FCER1A: variants seen among roughly 807,000 people sequenced by gnomAD.
FCER1A encodes the protein Fc epsilon receptor Ia, also known as high affinity immunoglobulin epsilon receptor subunit alpha.
FCER1A carries 24 observed loss-of-function variants against 23.6 expected under a neutral mutation model. The observed-to-expected ratio is 1.02, with a 90% CI of 0.74 to 1.43. The LOEUF is 1.43. Among genes scored for constraint, FCER1A ranks in the 40% most tolerant of loss-of-function variants. The probability of loss-of-function intolerance (pLI) is 0.00; values close to 1 mark genes in which losing one functional copy is unlikely to be tolerated. For synonymous variants in FCER1A, 121 were observed against 108.8 expected (o/e 1.11, Z -0.70); for missense variants, 318 against 294.5 (o/e 1.08, Z -0.58).
intron 1 of FCER1A, among the ~76,000 whole-genome samples, chr1:159,295,201 A>C (rs547298642): frequency 6.6e-6 from 1 of 152,272 alleles, no homozygotes; most frequent in East Asian, 1.9e-4. Flanking sequence ...TGACTGTGCT[A>C]TTACCTATGA....
chr1:159,289,342 T>G (rs953506784), upstream of FCER1A, among the ~76,000 whole-genome samples: 1 of 152,198 alleles, frequency 6.6e-6, no homozygotes, highest in African/African-American at 2.4e-5. Context: ...TTCAAGTAAC[T>G]GAACTGTTAT....
intron 3 of FCER1A, 68 bp downstream of exon 3, chr1:159,304,250 A>C (rs754648753): frequency 3.3e-6 from 5 of 1,500,168 alleles, no homozygotes; most frequent in Non-Finnish European, 4.6e-6. Context: ...GATGGGAAAA[A>C]ACAGGTTATT....
chr1:159,306,284 G>A, intron 4 of FCER1A, 39 bp downstream of exon 4: 17 of 1,596,980 alleles, frequency 1.1e-5, no homozygotes, highest in Non-Finnish European at 1.5e-5. Context: ...CCATAGCAGG[G>A]GAAGGAAGAG....
chr1:159,294,832 T>C (rs1055229614), intron 1 of FCER1A, among the ~76,000 whole-genome samples: 3 of 152,164 alleles, frequency 2.0e-5, no homozygotes, highest in Non-Finnish European at 4.4e-5. Context: ...TAATTCAAGC[T>C]CAGAGATTGC....
chr1:159,299,817 A>C (rs1652384666), upstream of FCER1A, among the ~76,000 whole-genome samples: 2 of 152,086 alleles, frequency 1.3e-5, no homozygotes, highest in East Asian at 3.9e-4. Context: ...ACTGTGTATC[A>C]GCCCGTTCTT....
chr1:159,307,814 A>G lies in FCER1A; in HGVS notation c.656A>G (p.Asp219Gly), dbSNP rs747241420. 1.9e-6 allele frequency: 3 copies of G among 1,613,306 alleles called. No homozygotes were observed. In the South Asian group the frequency reaches 3.3e-5, roughly 18 times the overall value. The change falls in exon 5 of 5, where the codon GAC becomes GGC. Residue 219 changes from aspartate (D) to glycine (G), a missense_variant. By Grantham distance (94) the Asp-to-Gly change is moderately conservative. Coordinates refer to ENST00000693622, the MANE Select transcript of FCER1A (RefSeq NM_001387280.1). Reference protein sequence around the residue: ...PLLVVILFAVDTGLFISTQQQ... With the variant: ...PLLVVILFAVGTGLFISTQQQ... ...TTGGTGGTGATTCTGTTTGCTGTGG[A>G]CACAGGATTATTTATCTCAACTCAG...
chr1:159,296,751 C>T (rs1019232744), intron 1 of FCER1A, among the ~76,000 whole-genome samples: 4 of 152,156 alleles, frequency 2.6e-5, no homozygotes, highest in Non-Finnish European at 2.9e-5. Flanking sequence ...CTCCTGTATA[C>T]TCATCATTGA....
Position 159,304,183 on chromosome 1 carries a change from G to A in FCER1A, c.331+1G>A, listed in dbSNP as rs779721626. The A allele has an allele frequency of 6.8e-6, 11 of 1,613,048 alleles. No homozygotes were observed. Among genetic ancestry groups the A allele is most frequent in the Non-Finnish European group, 9.3e-6 (11 of 1,179,254 alleles). ...CCTGTGTACCTGGAAGTCTTCAGTG[G>A]TAAGTTCCAGGGATATGGAAATACA... On this transcript the variant is annotated splice_donor_variant, in intron 3 of 4. Transcript: ENST00000693622. LOFTEE classifies it high-confidence loss of function.
chr1:159,298,642 T>C (rs557399322), upstream of FCER1A, among the ~76,000 whole-genome samples: 1 of 152,286 alleles, frequency 6.6e-6, no homozygotes, highest in South Asian at 2.1e-4. Flanking sequence ...CAAAAGAAAG[T>C]AAATGCAGCT....
upstream of FCER1A, among the ~76,000 whole-genome samples, chr1:159,286,808 T>C (rs1652031039): frequency 6.6e-6 from 1 of 152,182 alleles, no homozygotes; most frequent in South Asian, 2.1e-4. Flanking sequence ...TCTGATCCAG[T>C]GTATATTCTA....
Position 159,307,782 on chromosome 1 carries a change from C to T in FCER1A, c.624C>T (p.Ile208=). 2 of 1,611,284 alleles carry T rather than the reference C, an allele frequency of 1.2e-6. No homozygotes were observed. ...PREKYWLQFF[I]PLLVVILFAV... ...AGAAGTACTGGCTACAATTTTTTAT[C>T]CCATTGTTGGTGGTGATTCTGTTTG... Residue 208 remains isoleucine, a synonymous_variant, in exon 5 of 5, where the codon ATC becomes ATT. Coordinates refer to ENST00000693622, the MANE Select transcript of FCER1A (RefSeq NM_001387280.1).
At chr1:159,301,196 A>G (rs1225622707), upstream of FCER1A, among the ~76,000 whole-genome samples, 7 of 152,182 alleles carry the variant, frequency 4.6e-5, no homozygotes, top group Non-Finnish European at 7.3e-5. Context: ...GGGTTTAAAT[A>G]TACTGTCCCT....
chr1:159,298,231 TAA>T (rs1211076458), upstream of FCER1A, among the ~76,000 whole-genome samples: 1 of 152,136 alleles, frequency 6.6e-6, no homozygotes, highest in Non-Finnish European at 1.5e-5. Context: ...CTATGCACTA[TAA>T]AAGAGTGTAG....
intron 1 of FCER1A, among the ~76,000 whole-genome samples, chr1:159,290,873 C>CTTG (rs67791203): frequency 1.2e-4 from 1 of 8,586 alleles, no homozygotes; most frequent in Non-Finnish European, 2.0e-4. Context: ...GATGAACTCC[C>CTTG]TTCTGCATTT....
chr1:159,305,105 A>G (rs898267604), intron 3 of FCER1A, among the ~76,000 whole-genome samples: 5 of 151,762 alleles, frequency 3.3e-5, no homozygotes, highest in African/African-American at 7.2e-5. Context: ...TTTATACTCT[A>G]TATTTTTCTC....
In FCER1A at chr1:159,307,873, AC is replaced by A; in HGVS notation, c.717del (p.Arg240GlyfsTer7). 1.2e-6 allele frequency: 2 copies of A among 1,613,654 alleles called. No individual in the cohort carries two copies. The highest frequency in any genetic ancestry group is 2.2e-5 in the South Asian group (2 of 91,030). ...QVTFLLKIKR[T>X]RKGFRLLNPH... ...CACATTTCTCTTGAAGATTAAGAGA[AC>A]CAGGAAAGGCTTCAGACTTCTGAAC... is the stretch of plus-strand genomic sequence containing the variant. On this transcript the variant is annotated frameshift_variant, in exon 5 of 5. Transcript: ENST00000693622. LOFTEE classifies it low-confidence loss of function (END_TRUNC).
chr1:159,286,360 T>C (rs1245157937), upstream of FCER1A, among the ~76,000 whole-genome samples: 1 of 151,400 alleles, frequency 6.6e-6, no homozygotes, highest in Non-Finnish European at 1.5e-5. Context: ...TGAGACAAAG[T>C]CTCTCTCTGT....
chr1:159,292,680 A>T (rs1209178824), intron 1 of FCER1A, among the ~76,000 whole-genome samples: 1 of 152,152 alleles, frequency 6.6e-6, no homozygotes, highest in Non-Finnish European at 1.5e-5. Flanking sequence ...TATACTATAC[A>T]TATACATGTC....
At chr1:159,307,102 T>G (rs185651647) in intron 4 of FCER1A, among the ~76,000 whole-genome samples, 2 of 152,302 alleles carry the variant, frequency 1.3e-5, no homozygotes, top group Non-Finnish European at 2.9e-5. Flanking sequence ...AGATTCTGAT[T>G]TAATTGGTTT....
Sources: allele counts gnomAD v4.1 joint callset (sites outside exome capture counted in the v4.1 genomes callset), GRCh38; gene constraint gnomAD v4.1.1; transcripts MANE v1.5; gene names NCBI Gene and HGNC (gene_info 2026-07-23, HGNC 2026-07-21).